The following SUCLG2 variants were observed in gnomAD, a reference collection of about 807,000 sequenced individuals.
The protein encoded by SUCLG2 is succinate-CoA ligase GDP-forming subunit beta.
In SUCLG2, 42 loss-of-function variants were observed where a neutral mutation model predicts 47.9. The ratio of observed to expected loss-of-function variants is 0.88; its 90% CI spans 0.69 to 1.14. The LOEUF is 1.14. Ranked by LOEUF, SUCLG2 falls within the 50% of genes most tolerant of loss-of-function variation. The pLI is 0.00. For synonymous variants in SUCLG2, 195 were observed against 197.3 expected (o/e 0.99, Z 0.10); for missense variants, 571 against 525.9 (o/e 1.09, Z -0.84).
chr3:67,382,320 T>G (rs1388669034), intron 10 of SUCLG2, among the ~76,000 whole-genome samples: 1 of 152,214 alleles, frequency 6.6e-6, no homozygotes, highest in African/African-American at 2.4e-5. Flanking sequence ...AGTCAGAGGC[T>G]GAGCCAGGAC....
intron 2 of SUCLG2, among the ~76,000 whole-genome samples, chr3:67,591,372 A>T (rs1303517349): frequency 6.6e-6 from 1 of 152,232 alleles, no homozygotes; most frequent in Non-Finnish European, 1.5e-5. Context: ...AGATTGAAAA[A>T]GTCAAAACCC....
rs151078003 is a variant in SUCLG2, at chr3:67,434,149, G to C, written c.1063-33298C>G. Reference sequence around the variant, plus strand: ...GATCTGTCAGAAATCTCTTTGAAAAGCAGAAAAGTGAGCACACAAATATAT... The same window carrying C: ...GATCTGTCAGAAATCTCTTTGAAAACCAGAAAAGTGAGCACACAAATATAT... On this transcript the variant is annotated intron_variant, in intron 9 of 10. Transcript: ENST00000307227. Among the ~76,000 whole-genome samples, 4 of 152,280 alleles carry C rather than the reference G, an allele frequency of 2.6e-5. No individual in the cohort carries two copies. In the East Asian group the frequency reaches 7.7e-4, roughly 29 times the overall value.
chr3:67,650,236 C>T (rs745915883), intron 1 of SUCLG2, among the ~76,000 whole-genome samples: 1 of 152,234 alleles, frequency 6.6e-6, no homozygotes, highest in Non-Finnish European at 1.5e-5. Context: ...CCTCATTTAG[C>T]TGATAAGAAC....
intron 9 of SUCLG2, among the ~76,000 whole-genome samples, chr3:67,473,497 A>C (rs1171671572): frequency 1.3e-5 from 2 of 152,188 alleles, no homozygotes; most frequent in African/African-American, 2.4e-5. Flanking sequence ...TGAGTATTAA[A>C]AGGTGTGTTT....
At chr3:67,426,403 ACT>A (rs1182388887) in intron 9 of SUCLG2, among the ~76,000 whole-genome samples, 3 of 151,916 alleles carry the variant, frequency 2.0e-5, no homozygotes, top group African/African-American at 7.3e-5. Context: ...AACAATTAAA[ACT>A]CTTCATTTCA....
At chr3:67,538,659 A>G (rs1706614131) in intron 2 of SUCLG2, among the ~76,000 whole-genome samples, 1 of 152,140 alleles carries the variant, frequency 6.6e-6, no homozygotes, top group Admixed American at 6.5e-5. Flanking sequence ...CAGTATGGCC[A>G]TTTTCACAAT....
chr3:67,626,850 C>T (rs1700839027), intron 1 of SUCLG2, among the ~76,000 whole-genome samples: 2 of 133,290 alleles, frequency 1.5e-5, no homozygotes, highest in South Asian at 2.4e-4. Context: ...GGAGGCGGAG[C>T]TTGCAGTGAG....
chr3:67,537,674 T>A (rs1393080192), intron 2 of SUCLG2, among the ~76,000 whole-genome samples: 1 of 152,244 alleles, frequency 6.6e-6, no homozygotes, highest in Non-Finnish European at 1.5e-5. Context: ...TGAACTAATT[T>A]ACACTCCCAT....
At chr3:67,484,333 C>T (rs1293171126) in intron 9 of SUCLG2, among the ~76,000 whole-genome samples, 3 of 152,146 alleles carry the variant, frequency 2.0e-5, no homozygotes, top group Non-Finnish European at 2.9e-5. Flanking sequence ...GAAACTGAAT[C>T]GTTTCAGAAG....
chr3:67,464,056 G>T (rs1030077978), intron 9 of SUCLG2, among the ~76,000 whole-genome samples: 2 of 152,212 alleles, frequency 1.3e-5, no homozygotes, highest in Admixed American at 1.3e-4. Flanking sequence ...TATGTTTTGT[G>T]TTCCCGAACA....
At chr3:67,387,421 T>A (rs1702283213) in intron 10 of SUCLG2, among the ~76,000 whole-genome samples, 1 of 152,196 alleles carries the variant, frequency 6.6e-6, no homozygotes. Context: ...CCAATTATAT[T>A]ATTGTTTGTC....
chr3:67,554,447 C>G (rs1274014260), intron 2 of SUCLG2, among the ~76,000 whole-genome samples: 1 of 152,110 alleles, frequency 6.6e-6, no homozygotes, highest in Admixed American at 6.6e-5. Flanking sequence ...AATTGTGTCA[C>G]TTGATTTAGG....
At chr3:67,607,915 C>T (rs1342302752) in intron 2 of SUCLG2, among the ~76,000 whole-genome samples, 2 of 152,124 alleles carry the variant, frequency 1.3e-5, no homozygotes, top group African/African-American at 2.4e-5. Flanking sequence ...CCCAGCCATG[C>T]GGAACTGTGA....
At chr3:67,540,091 T>C (rs1706661522) in intron 2 of SUCLG2, among the ~76,000 whole-genome samples, 1 of 151,412 alleles carries the variant, frequency 6.6e-6, no homozygotes, top group African/African-American at 2.4e-5. Context: ...TTTCTTGTCT[T>C]CTGCTTGCTT....
intron 2 of SUCLG2, among the ~76,000 whole-genome samples, chr3:67,545,189 C>A (rs1706831758): frequency 6.6e-6 from 1 of 152,132 alleles, no homozygotes; most frequent in Non-Finnish European, 1.5e-5. Context: ...AACACATATT[C>A]CATACTTTAA....
chr3:67,391,983 G>A (rs1162685784), intron 10 of SUCLG2, among the ~76,000 whole-genome samples: 1 of 152,162 alleles, frequency 6.6e-6, no homozygotes, highest in African/African-American at 2.4e-5. Flanking sequence ...TGCTGTCATT[G>A]GAGACGTGGC....
At chr3:67,529,412 T>C (rs1044565942) in intron 2 of SUCLG2, among the ~76,000 whole-genome samples, 1 of 152,200 alleles carries the variant, frequency 6.6e-6, no homozygotes, top group African/African-American at 2.4e-5. Flanking sequence ...AGTTTAATCA[T>C]CTAATACTTG....
rs1323707403 is a variant in SUCLG2, at chr3:67,378,588, C to T, written c.1184-2729G>A. Among the ~76,000 whole-genome samples, 4 of 152,214 alleles carry T rather than the reference C, an allele frequency of 2.6e-5. No homozygotes were observed. In the East Asian group the frequency reaches 7.7e-4, roughly 29 times the overall value. On this transcript the variant is annotated intron_variant, in intron 10 of 10. Transcript: ENST00000307227. ...CTTGAGATCACTACAGCTCGGCTGA[C>T]ACTGTGATTGCAGCCTTGTGAGAGA...
At chr3:67,595,248 G>A (rs2772464) in intron 2 of SUCLG2, among the ~76,000 whole-genome samples, 56,166 of 152,042 alleles carry the variant, frequency 0.37, 10,717 homozygotes, top group Non-Finnish European at 0.41. Flanking sequence ...GCAGTGAATC[G>A]TGAAAGTAGG....
Sources: allele counts gnomAD v4.1 joint callset (sites outside exome capture counted in the v4.1 genomes callset), GRCh38; gene constraint gnomAD v4.1.1; transcripts MANE v1.5; gene names NCBI Gene and HGNC (gene_info 2026-07-23, HGNC 2026-07-21).